Variants in SP4 observed in about 807,000 individuals in gnomAD.
The protein encoded by SP4 is transcription factor Sp4.
SP4 carries 19 observed loss-of-function variants against 72.8 expected under a neutral mutation model. That is an observed-to-expected ratio of 0.26 (90% CI 0.18 to 0.38). The LOEUF (loss-of-function observed/expected upper bound fraction) is 0.38. Ranked by LOEUF, SP4 falls within the 10% of genes least tolerant of loss-of-function variation. The pLI, the probability that SP4 is intolerant of heterozygous loss-of-function variation, is 1.00. For synonymous variants in SP4, 395 were observed against 333.1 expected (o/e 1.19, Z -2.02); for missense variants, 1,008 against 926.3 (o/e 1.09, Z -1.14).
At chr7:21,498,787 GAGAAA>G (rs1269225029) in intron 5 of SP4, among the ~76,000 whole-genome samples, 15 of 152,234 alleles carry the variant, frequency 9.9e-5, no homozygotes, top group African/African-American at 3.4e-4. Context: ...AAGTAAACTA[GAGAAA>G]AGAAATCGTT....
At chr7:21,438,486 C>G (rs1356603925) in intron 3 of SP4, among the ~76,000 whole-genome samples, 1 of 152,008 alleles carries the variant, frequency 6.6e-6, no homozygotes, top group African/African-American at 2.4e-5. Context: ...TCTGTTCATT[C>G]TTAAATTTAC....
At chr7:21,475,823 A>G (rs1014104140) in intron 3 of SP4, among the ~76,000 whole-genome samples, 1 of 152,196 alleles carries the variant, frequency 6.6e-6, no homozygotes, top group Admixed American at 6.5e-5. Flanking sequence ...GCACTCTGGT[A>G]GAGGATTTGT....
At chr7:21,471,513 C>T (rs975804626) in intron 3 of SP4, among the ~76,000 whole-genome samples, 11 of 152,070 alleles carry the variant, frequency 7.2e-5, no homozygotes, top group African/African-American at 2.7e-4. Context: ...TTTACATACC[C>T]CTGAGAACCT....
chr7:21,466,967 C>A (rs577718068), intron 3 of SP4, among the ~76,000 whole-genome samples: 98 of 152,056 alleles, frequency 6.4e-4, no homozygotes, highest in African/African-American at 2.3e-3. Flanking sequence ...ACAAATGTAC[C>A]ATATTTTAAT....
At chr7:21,460,928 A>G (rs143222080) in intron 3 of SP4, among the ~76,000 whole-genome samples, 5,081 of 152,156 alleles carry the variant, frequency 0.033, 266 homozygotes, top group African/African-American at 0.12. Context: ...TTAGCTAGAC[A>G]TAAAGATTCT....
chr7:21,483,124 A>G (rs1290554061), intron 5 of SP4, among the ~76,000 whole-genome samples: 4 of 152,084 alleles, frequency 2.6e-5, no homozygotes, highest in Admixed American at 2.6e-4. Context: ...TCAGGCCTTG[A>G]AAGTTTTTTT....
At chr7:21,478,737 T>C (rs1170344719) in intron 4 of SP4, among the ~76,000 whole-genome samples, 1 of 152,186 alleles carries the variant, frequency 6.6e-6, no homozygotes, top group South Asian at 2.1e-4. Context: ...TCTTTATATA[T>C]TCTACATACA....
At chr7:21,490,019 C>G (rs1366100485) in intron 5 of SP4, among the ~76,000 whole-genome samples, 3 of 152,244 alleles carry the variant, frequency 2.0e-5, no homozygotes, top group African/African-American at 4.8e-5. Flanking sequence ...TTTGTGTCCA[C>G]TGTTGGCCAG....
At chr7:21,496,529 G>A (rs1781711928) in intron 5 of SP4, among the ~76,000 whole-genome samples, 1 of 152,088 alleles carries the variant, frequency 6.6e-6, no homozygotes. Flanking sequence ...GTCTTCCAAG[G>A]CTCTAAATGT....
At chr7:21,462,194 T>G (rs2128402692) in intron 3 of SP4, among the ~76,000 whole-genome samples, 1 of 152,088 alleles carries the variant, frequency 6.6e-6, no homozygotes, top group Middle Eastern at 3.4e-3. Flanking sequence ...GCCCAGCTAA[T>G]TTTTGTATTT....
At chr7:21,437,922 G>A (rs1253164074) in intron 3 of SP4, among the ~76,000 whole-genome samples, 3 of 151,732 alleles carry the variant, frequency 2.0e-5, no homozygotes, top group Admixed American at 6.6e-5. Flanking sequence ...AAAACATTTC[G>A]TACTAGCAAT....
intron 3 of SP4, among the ~76,000 whole-genome samples, chr7:21,442,633 G>A (rs993217222): frequency 6.6e-6 from 1 of 152,172 alleles, no homozygotes; most frequent in Non-Finnish European, 1.5e-5. Context: ...CTGGAGCTGA[G>A]ACTCAAAGGA....
At chr7:21,479,330 T>G (rs373494110) in intron 4 of SP4, among the ~76,000 whole-genome samples, 3 of 152,096 alleles carry the variant, frequency 2.0e-5, no homozygotes, top group East Asian at 3.9e-4. Context: ...TAATTTGGGG[T>G]TAATTTTTAC....
chr7:21,497,072 A>G (rs965806923), intron 5 of SP4, among the ~76,000 whole-genome samples: 2 of 152,164 alleles, frequency 1.3e-5, no homozygotes, highest in African/African-American at 4.8e-5. Flanking sequence ...TGTCCCAATT[A>G]TTATCCCCTG....
rs550171340 is a variant in SP4 at position 21,448,272 on chromosome 7, A to T, written c.1678+17429A>T. Among the ~76,000 whole-genome samples the T allele has an allele frequency of 2.8e-3, 407 of 143,570 alleles. 2 individuals are homozygous for T. Among genetic ancestry groups the T allele is most frequent in the South Asian group, 7.8e-3 (33 of 4,246 alleles). 94.2% of individuals were successfully genotyped at this position (143,570 alleles called of 152,430 possible). ...CACTACTATTATACAGAAATTTTTTAAAAAAGAAAATTGTGCTTTCTAGTA... is the reference window on the plus strand; with the variant it reads ...CACTACTATTATACAGAAATTTTTTTAAAAAGAAAATTGTGCTTTCTAGTA... On this transcript the variant is annotated intron_variant, in intron 3 of 5. Transcript: ENST00000222584.
chr7:21,473,435 A>C (rs1784406906), intron 3 of SP4, among the ~76,000 whole-genome samples: 1 of 152,200 alleles, frequency 6.6e-6, no homozygotes. Flanking sequence ...ATTGAGTGGC[A>C]CTGTTATTGA....
At chr7:21,475,045 GC>G (rs1156561664) in intron 3 of SP4, among the ~76,000 whole-genome samples, 1 of 151,810 alleles carries the variant, frequency 6.6e-6, no homozygotes, top group Non-Finnish European at 1.5e-5. Flanking sequence ...CTTCTTGGTT[GC>G]CCCATACATT....
chr7:21,495,891 C>T (rs1299091611), intron 5 of SP4, among the ~76,000 whole-genome samples: 1 of 151,996 alleles, frequency 6.6e-6, no homozygotes, highest in Non-Finnish European at 1.5e-5. Context: ...TAAAAATATC[C>T]ATACATTGGA....
chr7:21,429,222 T>C (rs1231074791), intron 2 of SP4, 67 bp from the exon 3 acceptor site: 3 of 832,306 alleles, frequency 3.6e-6, no homozygotes, highest in Non-Finnish European at 5.7e-6. Flanking sequence ...TGGCAACTAC[T>C]GGCCTCCACT....
Sources: gnomAD v4.1 joint callset for allele counts (sites outside exome capture counted in the v4.1 genomes callset) on GRCh38, gnomAD v4.1.1 for gene constraint, MANE v1.5 for transcripts, NCBI Gene and HGNC (gene_info 2026-07-23, HGNC 2026-07-21) for gene names.